The following CDH18 variants were observed in gnomAD, a reference collection of about 807,000 sequenced individuals.
CDH18 encodes the protein cadherin 18.
Under a neutral mutation model 67.9 loss-of-function variants are expected in CDH18, and 31 were observed. The ratio of observed to expected loss-of-function variants is 0.46; its 90% CI spans 0.34 to 0.62. The LOEUF is 0.62. Ranked by LOEUF, CDH18 falls within the 20% of genes least tolerant of loss-of-function variation. The pLI is 0.01. For synonymous variants in CDH18, 362 were observed against 347.2 expected (o/e 1.04, Z -0.48); for missense variants, 890 against 975.5 (o/e 0.91, Z 1.17).
chr5:20,228,320 C>A (rs529512041), intron 2 of CDH18, among the ~76,000 whole-genome samples: 22 of 152,068 alleles, frequency 1.4e-4, no homozygotes, highest in South Asian at 8.3e-4. Context: ...GTTTCATTTG[C>A]CTTCAAAGTC....
chr5:20,398,795 C>G (rs867286100), intron 1 of CDH18, among the ~76,000 whole-genome samples: 275 of 147,390 alleles, frequency 1.9e-3, no homozygotes, highest in Middle Eastern at 3.8e-3. Context: ...AAAACCACCA[C>G]GGCACACGTA....
intron 1 of CDH18, among the ~76,000 whole-genome samples, chr5:20,327,608 A>T (rs1228252220): frequency 6.6e-6 from 1 of 152,174 alleles, no homozygotes; most frequent in Non-Finnish European, 1.5e-5. Context: ...ACCAACACAA[A>T]TAACAGTTCC....
At chr5:19,840,676 T>C (rs1782209063) in intron 2 of CDH18, among the ~76,000 whole-genome samples, 1 of 152,026 alleles carries the variant, frequency 6.6e-6, no homozygotes, top group Non-Finnish European at 1.5e-5. Context: ...TACTCCAGCC[T>C]GGGCAACAAG....
chr5:19,659,597 A>T (rs1400029991), intron 5 of CDH18, among the ~76,000 whole-genome samples: 1 of 152,140 alleles, frequency 6.6e-6, no homozygotes, highest in Non-Finnish European at 1.5e-5. Flanking sequence ...CTAATACAAT[A>T]GTATTAAGAG....
chr5:20,049,155 A>G (rs1741178478), intron 2 of CDH18, among the ~76,000 whole-genome samples: 2 of 151,802 alleles, frequency 1.3e-5, no homozygotes, highest in Admixed American at 6.6e-5. Flanking sequence ...ATATAAAGAA[A>G]TAACAGATGT....
At chr5:19,858,953 G>A (rs1054844777) in intron 2 of CDH18, among the ~76,000 whole-genome samples, 1 of 151,808 alleles carries the variant, frequency 6.6e-6, no homozygotes, top group South Asian at 2.1e-4. Context: ...AATTTAAACT[G>A]AGCATGAAAA....
intron 6 of CDH18, among the ~76,000 whole-genome samples, chr5:19,600,498 T>A (rs1441321677): frequency 6.6e-6 from 1 of 150,668 alleles, no homozygotes; most frequent in Non-Finnish European, 1.5e-5. Context: ...TTGTCTCTCC[T>A]CACTCCTCTA....
At chr5:19,958,650 C>A (rs1397062695) in intron 2 of CDH18, among the ~76,000 whole-genome samples, 2 of 151,992 alleles carry the variant, frequency 1.3e-5, no homozygotes, top group Non-Finnish European at 2.9e-5. Context: ...TATACCACAC[C>A]AAGAGCCTGT....
At chr5:19,841,148 T>A (rs1321425041) in intron 2 of CDH18, among the ~76,000 whole-genome samples, 1 of 152,218 alleles carries the variant, frequency 6.6e-6, no homozygotes, top group Non-Finnish European at 1.5e-5. Flanking sequence ...TACTTCACCA[T>A]TGTGCAACAA....
chr5:20,063,235 C>A (rs1037520690), intron 2 of CDH18, among the ~76,000 whole-genome samples: 3 of 151,186 alleles, frequency 2.0e-5, no homozygotes, highest in Admixed American at 6.6e-5. Flanking sequence ...AATATCCATA[C>A]AATTACCACA....
intron 10 of CDH18, among the ~76,000 whole-genome samples, chr5:19,505,796 C>T (rs1366236484): frequency 6.6e-6 from 1 of 152,060 alleles, no homozygotes; most frequent in East Asian, 1.9e-4. Flanking sequence ...TGTTGTGTCT[C>T]TGCCAGGCTT....
chr5:19,666,621 T>C (rs979353360), intron 5 of CDH18, among the ~76,000 whole-genome samples: 4 of 152,038 alleles, frequency 2.6e-5, no homozygotes, highest in Admixed American at 2.6e-4. Context: ...ATAGTTGTTT[T>C]ATAAGTAGAC....
intron 2 of CDH18, among the ~76,000 whole-genome samples, chr5:20,063,869 A>G (rs1355672265): frequency 6.6e-6 from 1 of 152,104 alleles, no homozygotes; most frequent in African/African-American, 2.4e-5. Flanking sequence ...TTGTCTGGAC[A>G]CTCGTCTGTC....
At chr5:20,048,488 T>C (rs1468754224) in intron 2 of CDH18, among the ~76,000 whole-genome samples, 1 of 151,778 alleles carries the variant, frequency 6.6e-6, no homozygotes, top group African/African-American at 2.4e-5. Flanking sequence ...TCTTATCACA[T>C]TGAGATTTCA....
intron 1 of CDH18, among the ~76,000 whole-genome samples, chr5:20,473,006 A>G (rs570768429): frequency 6.6e-6 from 1 of 152,304 alleles, no homozygotes; most frequent in East Asian, 1.9e-4. Flanking sequence ...TATTTAACCT[A>G]TACAATAATC....
intron 1 of CDH18, among the ~76,000 whole-genome samples, chr5:20,406,770 A>G (rs890665000): frequency 2.0e-5 from 3 of 152,162 alleles, no homozygotes; most frequent in Admixed American, 2.0e-4. Flanking sequence ...AGGGAACCCC[A>G]AGCTCTTCTT....
intron 1 of CDH18, among the ~76,000 whole-genome samples, chr5:20,490,290 G>A (rs1454822720): frequency 6.6e-6 from 1 of 152,050 alleles, no homozygotes; most frequent in Non-Finnish European, 1.5e-5. Flanking sequence ...ATAGAACTTA[G>A]TGGCAGTGAA....
intron 1 of CDH18, among the ~76,000 whole-genome samples, chr5:20,487,153 G>C (rs542546704): frequency 2.6e-5 from 4 of 152,128 alleles, no homozygotes; most frequent in Non-Finnish European, 4.4e-5. Flanking sequence ...TTGAAACAAA[G>C]TTTCCCATGG....
chr5:19,701,057 TAA>T (rs541166556), intron 5 of CDH18, among the ~76,000 whole-genome samples: 3 of 151,458 alleles, frequency 2.0e-5, no homozygotes, highest in African/African-American at 7.3e-5. Context: ...TTGTAAATGA[TAA>T]AAAAAAATTA....
Sources: gnomAD v4.1 joint callset for allele counts (sites outside exome capture counted in the v4.1 genomes callset) on GRCh38, gnomAD v4.1.1 for gene constraint, MANE v1.5 for transcripts, NCBI Gene and HGNC (gene_info 2026-07-23, HGNC 2026-07-21) for gene names.